Variants in CNBD1 observed in about 807,000 individuals in gnomAD.
CNBD1 encodes cyclic nucleotide-binding domain-containing protein 1.
In CNBD1, 71 loss-of-function variants were observed where a neutral mutation model predicts 54.4. The observed-to-expected ratio is 1.30, with a 90% CI of 1.08 to 1.59. The LOEUF (loss-of-function observed/expected upper bound fraction) is 1.59, where lower values mean the gene tolerates loss of function less well. Among genes scored for constraint, CNBD1 ranks in the 40% most tolerant of loss-of-function variants. The pLI is 0.00. For synonymous variants in CNBD1, 182 were observed against 170.7 expected (o/e 1.07, Z -0.51); for missense variants, 659 against 518.0 (o/e 1.27, Z -2.64).
intron 4 of CNBD1, among the ~76,000 whole-genome samples, chr8:87,146,270 A>T (rs529465596): frequency 1.4e-3 from 218 of 152,236 alleles, no homozygotes; most frequent in Non-Finnish European, 2.2e-3. Context: ...AATTGTTATG[A>T]CTGTTGGAAT....
At chr8:87,279,652 T>A (rs10099139) in intron 6 of CNBD1, among the ~76,000 whole-genome samples, 42,354 of 150,872 alleles carry the variant, frequency 0.28, 6,361 homozygotes, top group African/African-American at 0.39. Context: ...GAAATGTATA[T>A]GCAGTAAAAA....
intron 6 of CNBD1, among the ~76,000 whole-genome samples, chr8:87,259,288 T>C (rs146664886): frequency 6.6e-5 from 10 of 152,338 alleles, no homozygotes; most frequent in African/African-American, 2.4e-4. Flanking sequence ...TTTATAACTT[T>C]CTTTGCATAG....
intron 4 of CNBD1, among the ~76,000 whole-genome samples, chr8:86,987,025 G>C (rs1344746753): frequency 6.6e-5 from 10 of 152,096 alleles, no homozygotes; most frequent in Non-Finnish European, 1.5e-4. Flanking sequence ...TTCTAGAATA[G>C]TGTTTTTCTA....
At chr8:87,391,690 G>T (rs1372286012) in intron 2 of CNBD1, among the ~76,000 whole-genome samples, 1 of 151,918 alleles carries the variant, frequency 6.6e-6, no homozygotes, top group Non-Finnish European at 1.5e-5. Context: ...ACTCTAAATG[G>T]GTCGTAGAGA....
At chr8:87,396,711 T>C (rs941880315) in intron 2 of CNBD1, among the ~76,000 whole-genome samples, 3 of 151,810 alleles carry the variant, frequency 2.0e-5, no homozygotes, top group African/African-American at 4.8e-5. Flanking sequence ...AATTTTATCA[T>C]ATCAGTAGTA....
chr8:87,306,993 G>T (rs1016219513), intron 8 of CNBD1, among the ~76,000 whole-genome samples: 2 of 151,920 alleles, frequency 1.3e-5, no homozygotes, highest in African/African-American at 4.8e-5. Context: ...ATAAATAAAT[G>T]ACCTAACCTC....
chr8:87,164,484 C>A lies in CNBD1; in HGVS notation c.432-41509C>A, dbSNP rs756445189. Among the ~76,000 whole-genome samples the A allele has an allele frequency of 9.2e-4, 139 of 151,518 alleles. 1 individual carries two copies. Among genetic ancestry groups the A allele is most frequent in the Non-Finnish European group, 2.5e-4 (17 of 67,746 alleles). ...TCAATTTCTTTACTCATTGATTAAT[C>A]TCCTCAGATTTTCTATTTCTCCATG... is the stretch of plus-strand genomic sequence containing the variant. On this transcript the variant is annotated intron_variant, in intron 4 of 10. Transcript: ENST00000518476.
intron 8 of CNBD1, among the ~76,000 whole-genome samples, chr8:87,321,464 T>G (rs185182925): frequency 2.6e-5 from 4 of 152,318 alleles, no homozygotes; most frequent in Non-Finnish European, 1.5e-5. Context: ...GAACATCTTT[T>G]CTTATACCTG....
intron 8 of CNBD1, among the ~76,000 whole-genome samples, chr8:87,302,216 G>A (rs949936443): frequency 2.0e-5 from 3 of 152,196 alleles, no homozygotes; most frequent in African/African-American, 7.2e-5. Context: ...TATCCCTGAT[G>A]AACATCGAAG....
chr8:86,992,236 T>G (rs567250921), intron 4 of CNBD1, among the ~76,000 whole-genome samples: 2 of 152,098 alleles, frequency 1.3e-5, no homozygotes, highest in Non-Finnish European at 2.9e-5. Context: ...TCTTTTTTTT[T>G]AAAATTATAC....
chr8:87,321,500 A>C (rs948610484), intron 8 of CNBD1, among the ~76,000 whole-genome samples: 16 of 152,166 alleles, frequency 1.1e-4, no homozygotes, highest in African/African-American at 3.9e-4. Flanking sequence ...TCTTTGGAGA[A>C]ATATCTATTC....
chr8:86,870,768 A>G (rs1808432750), intron 1 of CNBD1, among the ~76,000 whole-genome samples: 1 of 152,186 alleles, frequency 6.6e-6, no homozygotes, highest in Non-Finnish European at 1.5e-5. Flanking sequence ...GAAGAAAAAC[A>G]GGGAAGTGGG....
chr8:86,977,788 T>A (rs1192828949), intron 4 of CNBD1, among the ~76,000 whole-genome samples: 6 of 152,156 alleles, frequency 3.9e-5, no homozygotes, highest in Non-Finnish European at 7.4e-5. Context: ...GGTGGCTTCA[T>A]GGCTGAATTT....
rs749935209 is a variant in CNBD1 at position 86,935,017 on chromosome 8, G to GTTTGTTTATTTA, written c.273-4576_273-4575insGTTTATTTATTT. On this transcript the variant is annotated intron_variant, in intron 3 of 10. Coordinates refer to ENST00000518476, the MANE Select transcript of CNBD1 (RefSeq NM_173538.3). ...TGGAAGCATTTGGGTTTGTTTGTTTGTTTATTTATTTATTTATTTATTTAT... is the reference window on the plus strand; with the variant it reads ...TGGAAGCATTTGGGTTTGTTTGTTTGTTTGTTTATTTATTTATTTATTTATTTATTTATTTAT... 1.2e-3 allele frequency among the ~76,000 whole-genome samples: 76 copies of GTTTGTTTATTTA among 65,924 alleles called. 1 individual carries two copies. The highest frequency in any genetic ancestry group is 2.7e-3 in the African/African-American group (73 of 27,332). 43.2% of individuals were successfully genotyped at this position (65,924 alleles called of 152,430 possible). A position where few individuals can be genotyped will look rare whatever the true frequency, so the allele number is the denominator to read the frequency against.
At chr8:86,927,619 A>T (rs1809384439) in intron 3 of CNBD1, among the ~76,000 whole-genome samples, 8 of 152,126 alleles carry the variant, frequency 5.3e-5, no homozygotes, top group Non-Finnish European at 5.9e-5. Context: ...AACATGGTTG[A>T]TGTGATTAGG....
chr8:87,240,119 C>T (rs1341719359), intron 6 of CNBD1, among the ~76,000 whole-genome samples: 1 of 151,046 alleles, frequency 6.6e-6, no homozygotes, highest in Non-Finnish European at 1.5e-5. Context: ...CAAACATGCA[C>T]TTCTATATTT....
At chr8:87,410,745 A>C (rs1807727077) in intron 2 of CNBD1, among the ~76,000 whole-genome samples, 2 of 152,228 alleles carry the variant, frequency 1.3e-5, no homozygotes, top group South Asian at 4.1e-4. Flanking sequence ...ATCTTTTGTG[A>C]AAGGAAGAGT....
At chr8:87,392,626 T>C (rs1303304324) in intron 2 of CNBD1, among the ~76,000 whole-genome samples, 1 of 151,958 alleles carries the variant, frequency 6.6e-6, no homozygotes, top group Admixed American at 6.6e-5. Context: ...AGAAAGTCGA[T>C]TAGCTGTTGC....
intron 4 of CNBD1, among the ~76,000 whole-genome samples, chr8:86,975,507 C>T (rs1270344147): frequency 1.3e-5 from 2 of 151,972 alleles, no homozygotes. Flanking sequence ...TGGTTTATTT[C>T]ACTTAGCACA....
Sources: gnomAD v4.1 joint callset for allele counts (sites outside exome capture counted in the v4.1 genomes callset) on GRCh38, gnomAD v4.1.1 for gene constraint, MANE v1.5 for transcripts, NCBI Gene and HGNC (gene_info 2026-07-23, HGNC 2026-07-21) for gene names.